The following GPAT3 variants were observed in gnomAD, a reference collection of about 807,000 sequenced individuals.
GPAT3 encodes glycerol-3-phosphate acyltransferase 3.
In GPAT3, 53 loss-of-function variants were observed where a neutral mutation model predicts 58.8. That is an observed-to-expected ratio of 0.90 (90% CI 0.72 to 1.13). GPAT3 has a LOEUF of 1.13. Ranked by LOEUF, GPAT3 falls within the 50% of genes most tolerant of loss-of-function variation. The pLI, the probability that GPAT3 is intolerant of heterozygous loss-of-function variation, is 0.00. For synonymous variants in GPAT3, 197 were observed against 187.4 expected (o/e 1.05, Z -0.42); for missense variants, 511 against 527.6 (o/e 0.97, Z 0.31).
At position 83,581,475 on chromosome 4, in the gene GPAT3, A is replaced by G. The variant is rs539117375; in HGVS notation, c.209-87A>G. The G allele has an allele frequency of 1.3e-4, 178 of 1,388,450 alleles. 1 individual carries two copies. In the South Asian group the frequency reaches 2.3e-3, roughly 18 times the overall value. The allele number at this position is 1,388,450 out of a possible 1,614,324, so 86.0% of individuals were successfully genotyped here. A position where few individuals can be genotyped will look rare whatever the true frequency, so the allele number is the denominator to read the frequency against. On this transcript the variant is annotated intron_variant, in intron 2 of 11. Coordinates refer to ENST00000264409, the MANE Select transcript of GPAT3 (RefSeq NM_032717.5). Reference sequence around the variant, plus strand: ...TTAAACTTATTTACTTGTTTGGCATATTTAACTTCTACACAGTTAAAGTTG... The same window carrying G: ...TTAAACTTATTTACTTGTTTGGCATGTTTAACTTCTACACAGTTAAAGTTG...
intron 2 of GPAT3, among the ~76,000 whole-genome samples, chr4:83,554,824 G>T: frequency 7.5e-6 from 1 of 133,098 alleles, no homozygotes; most frequent in Non-Finnish European, 1.6e-5. Context: ...TTTTTTTTGA[G>T]ATGGAGTCTT....
intron 2 of GPAT3, among the ~76,000 whole-genome samples, chr4:83,560,885 G>A (rs1725103906): frequency 6.6e-6 from 1 of 152,086 alleles, no homozygotes; most frequent in Admixed American, 6.6e-5. Flanking sequence ...CCCCACTTTT[G>A]CCTTCTGCCA....
At chr4:83,544,753 A>C (rs1724443889) in intron 2 of GPAT3, 151 bp downstream of exon 2, 1 of 708,558 alleles carries the variant, frequency 1.4e-6, no homozygotes. Context: ...CAGCTGCCAG[A>C]GTTTTCATGG....
chr4:83,601,897 C>T (rs1727068599), intron 11 of GPAT3, among the ~76,000 whole-genome samples: 2 of 152,184 alleles, frequency 1.3e-5, no homozygotes, highest in African/African-American at 2.4e-5. Flanking sequence ...TAGCTGACCA[C>T]CCTGGAGTAA....
intron 7 of GPAT3, 106 bp downstream of exon 7, chr4:83,595,066 C>G (rs773219347): frequency 1.6e-5 from 15 of 918,822 alleles, no homozygotes; most frequent in Non-Finnish European, 2.2e-5. Flanking sequence ...AAAACTGAAA[C>G]AGAGCCCTGT....
At chr4:83,549,520 A>G (rs1578163866) in intron 2 of GPAT3, among the ~76,000 whole-genome samples, 1 of 148,620 alleles carries the variant, frequency 6.7e-6, no homozygotes, top group East Asian at 1.9e-4. Context: ...ATATATGATT[A>G]ATACATAATA....
At chr4:83,552,892 C>A (rs1253123995) in intron 2 of GPAT3, among the ~76,000 whole-genome samples, 1 of 152,024 alleles carries the variant, frequency 6.6e-6, no homozygotes, top group East Asian at 1.9e-4. Flanking sequence ...CTTATAAATA[C>A]GGGCCCCAGG....
chr4:83,579,466 T>A (rs1299166168), intron 2 of GPAT3, among the ~76,000 whole-genome samples: 1 of 151,766 alleles, frequency 6.6e-6, no homozygotes, highest in Non-Finnish European at 1.5e-5. Context: ...CTAATTTTTG[T>A]ATTTTTTGTG....
chr4:83,592,767 T>C (rs1726653148), intron 6 of GPAT3, among the ~76,000 whole-genome samples: 1 of 152,346 alleles, frequency 6.6e-6, no homozygotes, highest in East Asian at 1.9e-4. Flanking sequence ...CCTCATTTGC[T>C]TTGTCATTTG....
intron 2 of GPAT3, among the ~76,000 whole-genome samples, chr4:83,569,256 A>G (rs994494647): frequency 1.2e-4 from 18 of 152,202 alleles, no homozygotes; most frequent in African/African-American, 4.3e-4. Flanking sequence ...AGGACCTTGG[A>G]AGGAGCCTAT....
At chr4:83,594,664 A>G (rs1726742673) in intron 6 of GPAT3, among the ~76,000 whole-genome samples, 181 bp from the exon 7 acceptor site, 1 of 152,250 alleles carries the variant, frequency 6.6e-6, no homozygotes, top group Non-Finnish European at 1.5e-5. Context: ...CAAAGGTGCT[A>G]CTAAAGAATA....
chr4:83,551,000 T>C (rs757377912), intron 2 of GPAT3, among the ~76,000 whole-genome samples: 3 of 152,204 alleles, frequency 2.0e-5, no homozygotes, highest in Non-Finnish European at 2.9e-5. Flanking sequence ...AAAATTTAGT[T>C]CAATCACTTT....
intron 1 of GPAT3, among the ~76,000 whole-genome samples, chr4:83,540,209 G>A (rs1438288567): frequency 1.3e-5 from 2 of 150,108 alleles, no homozygotes; most frequent in Non-Finnish European, 1.5e-5. Flanking sequence ...TCTTTTTGGT[G>A]AATTTTGGAC....
At chr4:83,563,569 C>T (rs557087483) in intron 2 of GPAT3, among the ~76,000 whole-genome samples, 1 of 149,882 alleles carries the variant, frequency 6.7e-6, no homozygotes, top group African/African-American at 2.5e-5. Context: ...GCAGCCTCCT[C>T]CTCCCAGGTC....
At position 83,590,205 on chromosome 4, in the gene GPAT3, C is replaced by T. The variant is rs1340347699; in HGVS notation, c.651C>T (p.Tyr217=). 4.3e-6 allele frequency: 7 copies of T among 1,613,508 alleles called. No homozygotes were observed. Among genetic ancestry groups the T allele is most frequent in the Non-Finnish European group, 5.9e-6 (7 of 1,179,670 alleles). Reference sequence around the variant, plus strand: ...CCATTGTTTGTAATTGCAGGCAGTACAGACCCCAGAAGGGAGGCATTTGTG... The same window carrying T: ...CCATTGTTTGTAATTGCAGGCAGTATAGACCCCAGAAGGGAGGCATTTGTG... ...SGTIHYHNKQ[Y]RPQKGGICVA... is the part of the protein sequence containing the mutation. Residue 217 remains tyrosine, a synonymous_variant, in exon 6 of 12, where the codon TAC becomes TAT. Coordinates refer to ENST00000264409, the MANE Select transcript of GPAT3 (RefSeq NM_032717.5).
At chr4:83,563,625 G>A (rs1337238646) in intron 2 of GPAT3, among the ~76,000 whole-genome samples, 1 of 151,744 alleles carries the variant, frequency 6.6e-6, no homozygotes, top group African/African-American at 2.4e-5. Context: ...GGGATTGCAG[G>A]CATGCACCAC....
At chr4:83,559,635 T>G (rs990303871) in intron 2 of GPAT3, among the ~76,000 whole-genome samples, 10 of 152,128 alleles carry the variant, frequency 6.6e-5, no homozygotes, top group Non-Finnish European at 1.5e-4. Flanking sequence ...AGCAGGAAAG[T>G]TCTTCATCAG....
At chr4:83,579,683 T>A (rs562927554) in intron 2 of GPAT3, among the ~76,000 whole-genome samples, 1 of 152,286 alleles carries the variant, frequency 6.6e-6, no homozygotes, top group South Asian at 2.1e-4. Context: ...CCTAAAATCA[T>A]AAAACATTAG....
At chr4:83,598,249 C>T (rs952083754) in intron 10 of GPAT3, 70 bp downstream of exon 10, 2 of 1,559,848 alleles carry the variant, frequency 1.3e-6, no homozygotes, top group Admixed American at 2.2e-5. Flanking sequence ...ATCTGGGTGT[C>T]TCCCTTCTCC....
Sources: gnomAD v4.1 joint callset for allele counts (sites outside exome capture counted in the v4.1 genomes callset) on GRCh38, gnomAD v4.1.1 for gene constraint, MANE v1.5 for transcripts, NCBI Gene and HGNC (gene_info 2026-07-23, HGNC 2026-07-21) for gene names.